Variants in PIBF1 observed in about 807,000 individuals in gnomAD.
PIBF1 encodes the protein progesterone immunomodulatory binding factor 1, also known as progesterone-induced-blocking factor 1.
In PIBF1, 90 loss-of-function variants were observed where a neutral mutation model predicts 112.5. The observed-to-expected ratio is 0.80, with a 90% CI of 0.67 to 0.95. The LOEUF (loss-of-function observed/expected upper bound fraction) is 0.95. PIBF1 is among the 40% of genes least tolerant of loss of function. The pLI is 0.00. For synonymous variants in PIBF1, 301 were observed against 288.6 expected (o/e 1.04, Z -0.44); for missense variants, 915 against 852.3 (o/e 1.07, Z -0.92).
At chr13:72,907,295 T>C (rs1249853161) in intron 11 of PIBF1, among the ~76,000 whole-genome samples, 2 of 152,096 alleles carry the variant, frequency 1.3e-5, no homozygotes, top group African/African-American at 4.8e-5. Context: ...TAAATAGGTC[T>C]TCCTTCTCCC....
chr13:72,812,337 A>G lies in PIBF1; in HGVS notation c.673-9512A>G, dbSNP rs1165509679. Among the ~76,000 whole-genome samples, 3 of 152,158 alleles carry G rather than the reference A, an allele frequency of 2.0e-5. No individual in the cohort carries two copies. In the East Asian group the frequency reaches 5.8e-4, roughly 29 times the overall value. ...CAGATGCATATGATGGTTCATCTGA[A>G]TGAATAATTTATAATAGAGTACTAT... is the stretch of plus-strand genomic sequence containing the variant. On this transcript the variant is annotated intron_variant, in intron 5 of 17. Transcript: ENST00000326291.
At chr13:72,926,303 G>T (rs889480961) in intron 13 of PIBF1, among the ~76,000 whole-genome samples, 7 of 152,142 alleles carry the variant, frequency 4.6e-5, no homozygotes, top group Non-Finnish European at 1.5e-5. Flanking sequence ...TTTATTTATA[G>T]ATTATGTACG....
At chr13:72,995,200 A>G (rs575865407) in intron 16 of PIBF1, among the ~76,000 whole-genome samples, 1 of 151,624 alleles carries the variant, frequency 6.6e-6, no homozygotes, top group Admixed American at 6.6e-5. Context: ...TACTTGGGAG[A>G]CTGAAGCAGA....
intron 12 of PIBF1, among the ~76,000 whole-genome samples, chr13:72,911,014 A>G (rs1476002525): frequency 6.6e-6 from 1 of 152,106 alleles, no homozygotes; most frequent in Non-Finnish European, 1.5e-5. Context: ...ATCCAAAGCA[A>G]TCTTGAAAAA....
chr13:72,908,558 C>G lies in PIBF1; in HGVS notation c.1516C>G (p.Gln506Glu). 6.2e-7 allele frequency: 1 copy of G among 1,611,974 alleles called. No individual in the cohort carries two copies. The highest frequency in any genetic ancestry group is 8.5e-7 in the Non-Finnish European group (1 of 1,178,816). Residue 506 changes from glutamine (Q) to glutamate (E), a missense_variant, in exon 12 of 18, where the codon CAA becomes GAA. By Grantham distance (29) the Gln-to-Glu change is conservative. Transcript: ENST00000326291. ...EVLTKEFYSLQASSEKRITEL... is the reference protein window; with the variant it reads ...EVLTKEFYSLEASSEKRITEL... ...TTTAACCAAAGAATTTTATAGTCTC[C>G]AAGCCTCTTCTGAAAAACGCATTAC...
intron 13 of PIBF1, among the ~76,000 whole-genome samples, chr13:72,927,739 T>G (rs1378225692): frequency 2.0e-5 from 3 of 151,256 alleles, no homozygotes; most frequent in Non-Finnish European, 2.9e-5. Context: ...CTTAAATATA[T>G]CTTTATATTT....
At chr13:72,967,301 T>C (rs1007811693) in intron 15 of PIBF1, among the ~76,000 whole-genome samples, 8 of 152,104 alleles carry the variant, frequency 5.3e-5, no homozygotes, top group African/African-American at 1.4e-4. Context: ...TATATAAAAA[T>C]CCTGAGGAAA....
intron 16 of PIBF1, among the ~76,000 whole-genome samples, chr13:72,997,473 CAGAAA>C (rs2043715930): frequency 2.6e-5 from 4 of 152,198 alleles, no homozygotes; most frequent in Admixed American, 2.6e-4. Flanking sequence ...CCCACTACTG[CAGAAA>C]GGAGAAAGGA....
intron 17 of PIBF1, among the ~76,000 whole-genome samples, chr13:73,000,349 C>G (rs1205195561): frequency 2.0e-5 from 3 of 152,218 alleles, no homozygotes; most frequent in Admixed American, 6.5e-5. Context: ...TTTTCCAAGA[C>G]TAACAATCTA....
intron 14 of PIBF1, among the ~76,000 whole-genome samples, chr13:72,964,814 G>A (rs1407059978): frequency 6.6e-6 from 1 of 152,082 alleles, no homozygotes; most frequent in African/African-American, 2.4e-5. Context: ...CGTAGTCCCC[G>A]CACTTTGGGA....
At chr13:72,952,901 A>C (rs1002033252) in intron 14 of PIBF1, among the ~76,000 whole-genome samples, 7 of 151,246 alleles carry the variant, frequency 4.6e-5, no homozygotes. Context: ...AAAAAAAAAA[A>C]ATCCCCAGTA....
At chr13:72,878,865 T>G (rs951003235) in intron 10 of PIBF1, among the ~76,000 whole-genome samples, 14 of 152,204 alleles carry the variant, frequency 9.2e-5, no homozygotes, top group Non-Finnish European at 1.9e-4. Context: ...GTAGTGCCCC[T>G]CTTTATCCTT....
intron 9 of PIBF1, among the ~76,000 whole-genome samples, chr13:72,844,625 G>A (rs1193254428): frequency 6.6e-6 from 1 of 151,660 alleles, no homozygotes; most frequent in Non-Finnish European, 1.5e-5. Context: ...TGCTGAGAAT[G>A]ATGGAGAAAC....
intron 14 of PIBF1, among the ~76,000 whole-genome samples, chr13:72,956,069 T>C (rs942778065): frequency 3.3e-5 from 5 of 152,186 alleles, no homozygotes; most frequent in Non-Finnish European, 7.3e-5. Context: ...AGAAAATTCT[T>C]AGGTTTTGCA....
At chr13:72,927,957 A>ACG (rs2041549315) in intron 13 of PIBF1, among the ~76,000 whole-genome samples, 1 of 67,444 alleles carries the variant, frequency 1.5e-5, no homozygotes, top group African/African-American at 5.1e-5. Context: ...ATATATATAT[A>ACG]TACACATATA....
intron 10 of PIBF1, among the ~76,000 whole-genome samples, chr13:72,885,482 T>A (rs2039812605): frequency 1.3e-5 from 2 of 152,152 alleles, no homozygotes; most frequent in African/African-American, 4.8e-5. Context: ...ATTCATTCAC[T>A]CAGTAAGCAT....
At chr13:72,873,588 G>A (rs1566388449) in intron 10 of PIBF1, among the ~76,000 whole-genome samples, 1 of 151,974 alleles carries the variant, frequency 6.6e-6, no homozygotes, top group Non-Finnish European at 1.5e-5. Flanking sequence ...TTTTAGTAGA[G>A]GCGAGGTTTC....
chr13:72,861,952 C>T (rs1017472013), intron 10 of PIBF1, among the ~76,000 whole-genome samples: 8 of 151,926 alleles, frequency 5.3e-5, no homozygotes, highest in East Asian at 1.9e-4. Context: ...AGGGGAGTTC[C>T]AGAAAACCAT....
chr13:72,931,115 T>G, intron 13 of PIBF1, 50 bp from the exon 14 acceptor site: 1 of 1,015,602 alleles, frequency 9.8e-7, no homozygotes, highest in Non-Finnish European at 1.5e-6. Context: ...TTGAATATTT[T>G]GGGCAGTATT....
Sources: allele counts gnomAD v4.1 joint callset (sites outside exome capture counted in the v4.1 genomes callset), GRCh38; gene constraint gnomAD v4.1.1; transcripts MANE v1.5; gene names NCBI Gene and HGNC (gene_info 2026-07-23, HGNC 2026-07-21).